Variants in KPNA6 observed in about 807,000 individuals in gnomAD.
KPNA6 encodes the protein karyopherin subunit alpha 6, also known as importin subunit alpha-7.
A neutral mutation model predicts 72.0 loss-of-function variants in KPNA6; 9 were observed. The observed-to-expected ratio is 0.13, with a 90% CI of 0.08 to 0.22. KPNA6 has a LOEUF of 0.22. KPNA6 is among the 10% of genes least tolerant of loss of function. The probability of loss-of-function intolerance (pLI) is 1.00; values close to 1 mark genes in which losing one functional copy is unlikely to be tolerated. For missense variants in KPNA6, 374 were observed against 655.7 expected (o/e 0.57, Z 4.69); for synonymous variants, 219 against 242.1 (o/e 0.90, Z 0.89).
chr1:32,119,043 T>G (rs1641386289), intron 1 of KPNA6, among the ~76,000 whole-genome samples: 2 of 129,596 alleles, frequency 1.5e-5, no homozygotes, highest in Non-Finnish European at 3.2e-5. Context: ...TTTTTTTTTT[T>G]TTTTTTGAGA....
intron 1 of KPNA6, among the ~76,000 whole-genome samples, chr1:32,121,601 A>G (rs1195391575): frequency 6.6e-6 from 1 of 152,202 alleles, no homozygotes; most frequent in Non-Finnish European, 1.5e-5. Context: ...GCCAAGGTAG[A>G]TCAGCTGTGA....
chr1:32,109,066 C>T (rs758265989), intron 1 of KPNA6, among the ~76,000 whole-genome samples: 2 of 152,162 alleles, frequency 1.3e-5, no homozygotes, highest in African/African-American at 2.4e-5. Flanking sequence ...CTACCATTGC[C>T]ATTTTACAGA....
intron 12 of KPNA6, among the ~76,000 whole-genome samples, chr1:32,167,551 A>G (rs1481059100): frequency 6.6e-6 from 1 of 152,068 alleles, no homozygotes; most frequent in Non-Finnish European, 1.5e-5. Flanking sequence ...GAGAAGAGAA[A>G]CATGACATGG....
rs71006334 is a variant in KPNA6, at chr1:32,141,375, C to CTTTTTTTTTTTTTTTTTTTTTT, written c.5-13194_5-13173dup. On this transcript the variant is annotated intron_variant, in intron 1 of 13. Transcript: ENST00000373625. Reference sequence around the variant, plus strand: ...AGGGCTTTTTTTTTTTAAGTTAATCCTTTTTTTTTTTTTTTTTTTTTTTTT... The same window carrying CTTTTTTTTTTTTTTTTTTTTTT: ...AGGGCTTTTTTTTTTTAAGTTAATCCTTTTTTTTTTTTTTTTTTTTTTTTTTTTTTTTTTTTTTTTTTTTTTT... 9.2e-5 allele frequency among the ~76,000 whole-genome samples: 5 copies of CTTTTTTTTTTTTTTTTTTTTTT among 54,476 alleles called. 2 individuals carry two copies. The highest frequency in any genetic ancestry group is 1.6e-4 in the Non-Finnish European group (4 of 25,166). 35.7% of individuals were successfully genotyped at this position (54,476 alleles called of 152,430 possible). A position where few individuals can be genotyped will look rare whatever the true frequency, so the allele number is the denominator to read the frequency against.
chr1:32,143,170 C>A, intron 1 of KPNA6: 1 of 418,644 alleles, frequency 2.4e-6, no homozygotes, highest in South Asian at 1.8e-5. Flanking sequence ...CTCAAGCAAT[C>A]CTCCTGCCTC....
chr1:32,135,045 A>G lies in KPNA6; in HGVS notation c.5-19543A>G, dbSNP rs1320094181. Among the ~76,000 whole-genome samples, 3 of 151,582 alleles carry G rather than the reference A, an allele frequency of 2.0e-5. No individual in the cohort carries two copies. The East Asian group carries it at 5.8e-4, about 29-fold the overall frequency. On this transcript the variant is annotated intron_variant, in intron 1 of 13. Transcript: ENST00000373625. The stretch of plus-strand genomic sequence containing the variant: ...CTCAGCCTCCTGAGTAGCTGGGACT[A>G]CAGGCACGTGCTACCACTCCTGGCT...
intron 1 of KPNA6, chr1:32,142,957 A>G (rs1313321752): frequency 7.8e-7 from 1 of 1,289,676 alleles, no homozygotes; most frequent in Admixed American, 2.3e-5. Context: ...CTTCACTGTC[A>G]GCTGTGCTTG....
intron 1 of KPNA6, among the ~76,000 whole-genome samples, chr1:32,144,805 C>T (rs2124026525): frequency 6.6e-6 from 1 of 152,262 alleles, no homozygotes; most frequent in Admixed American, 6.5e-5. Context: ...GATGTGCCAC[C>T]ATGCCCAGCT....
intron 2 of KPNA6, among the ~76,000 whole-genome samples, chr1:32,156,100 C>T (rs1034834633): frequency 1.3e-5 from 2 of 151,336 alleles, no homozygotes; most frequent in Non-Finnish European, 3.0e-5. Flanking sequence ...ACTATCATTC[C>T]TTTTTTTCTT....
intron 1 of KPNA6, among the ~76,000 whole-genome samples, chr1:32,150,127 C>CTTTTTTTTTTTTTTTTT (rs35179721): frequency 3.4e-5 from 3 of 87,058 alleles, no homozygotes; most frequent in Non-Finnish European, 6.7e-5. Flanking sequence ...AATTTTTAGT[C>CTTTTTTTTTTTTTTTTT]TTTTTTTTTT....
At chr1:32,137,959 AC>A (rs1344097342) in intron 1 of KPNA6, among the ~76,000 whole-genome samples, 1 of 151,950 alleles carries the variant, frequency 6.6e-6, no homozygotes, top group Non-Finnish European at 1.5e-5. Context: ...ACATGGTGAA[AC>A]CCCATCTCTA....
chr1:32,112,431 A>G (rs1317325409), intron 1 of KPNA6, among the ~76,000 whole-genome samples: 2 of 152,186 alleles, frequency 1.3e-5, no homozygotes, highest in African/African-American at 4.8e-5. Context: ...AGTTATCTTT[A>G]TACTATACTG....
In KPNA6 at chr1:32,175,521, A is replaced by G. The variant is rs1042118628; in HGVS notation, c.*4627A>G. 1 of 152,348 alleles carries G rather than the reference A, an allele frequency of 6.6e-6. No homozygotes were observed. The highest frequency in any genetic ancestry group is 2.4e-5 in the African/African-American group (1 of 41,438). 9.4% of individuals were successfully genotyped at this position (152,348 alleles called of 1,614,324 possible). A position where few individuals can be genotyped will look rare whatever the true frequency, so the allele number is the denominator to read the frequency against. On this transcript the variant is annotated 3_prime_UTR_variant, in exon 14 of 14. Coordinates refer to ENST00000373625, the MANE Select transcript of KPNA6 (RefSeq NM_012316.5). ...CACATCTGGCCAGGCGCGGTGGCACATGCCTGTAATCCCAGCACTTTGGGA... is the reference window on the plus strand; with the variant it reads ...CACATCTGGCCAGGCGCGGTGGCACGTGCCTGTAATCCCAGCACTTTGGGA...
chr1:32,160,796 A>T (rs1642224073), intron 7 of KPNA6, 93 bp downstream of exon 7: 1 of 840,762 alleles, frequency 1.2e-6, no homozygotes, highest in Non-Finnish European at 2.1e-6. Flanking sequence ...TTAAGATGAT[A>T]GGTAAGTGCA....
intron 2 of KPNA6, among the ~76,000 whole-genome samples, chr1:32,156,044 A>G (rs1034631189): frequency 2.7e-5 from 4 of 147,518 alleles, no homozygotes; most frequent in Non-Finnish European, 4.4e-5. Context: ...GGCATGCGCC[A>G]CTGTGCCTGG....
intron 2 of KPNA6, among the ~76,000 whole-genome samples, chr1:32,156,099 C>T (rs1246202771): frequency 2.0e-5 from 3 of 151,452 alleles, no homozygotes; most frequent in African/African-American, 7.3e-5. Context: ...TACTATCATT[C>T]CTTTTTTTCT....
intron 1 of KPNA6, among the ~76,000 whole-genome samples, chr1:32,112,122 C>T (rs1448042146): frequency 6.6e-6 from 1 of 152,216 alleles, no homozygotes; most frequent in South Asian, 2.1e-4. Flanking sequence ...GCCTGGGGAA[C>T]TTGTGGAGAA....
At chr1:32,110,490 A>T (rs2124517728) in intron 1 of KPNA6, among the ~76,000 whole-genome samples, 1 of 152,308 alleles carries the variant, frequency 6.6e-6, no homozygotes, top group South Asian at 2.1e-4. Context: ...ACAACAACAC[A>T]TATGGAAAGC....
At chr1:32,127,816 C>T (rs114554826) in intron 1 of KPNA6, among the ~76,000 whole-genome samples, 1 of 152,314 alleles carries the variant, frequency 6.6e-6, no homozygotes, top group East Asian at 1.9e-4. Context: ...AGAGAGTTCT[C>T]ACTCTCACTC....
Sources: allele counts gnomAD v4.1 joint callset (sites outside exome capture counted in the v4.1 genomes callset), GRCh38; gene constraint gnomAD v4.1.1; transcripts MANE v1.5; gene names NCBI Gene and HGNC (gene_info 2026-07-23, HGNC 2026-07-21).